Variants in UNC5B observed in about 807,000 individuals in gnomAD.
The protein encoded by UNC5B is unc-5 netrin receptor B, also known as netrin receptor UNC5B.
In UNC5B, 56 loss-of-function variants were observed where a neutral mutation model predicts 103.7. That is an observed-to-expected ratio of 0.54 (90% CI 0.44 to 0.67). The LOEUF is 0.67. UNC5B is among the 30% of genes least tolerant of loss of function. The pLI, the probability that UNC5B is intolerant of heterozygous loss-of-function variation, is 0.00. For missense variants in UNC5B, 1,194 were observed against 1,284.5 expected, an observed-to-expected ratio of 0.93 and a Z score of 1.08; for synonymous variants, 577 against 542.0, an observed-to-expected ratio of 1.06 and a Z score of -0.90.
chr10:71,275,021 C>T (rs758947976), intron 1 of UNC5B, among the ~76,000 whole-genome samples: 12 of 152,174 alleles, frequency 7.9e-5, no homozygotes, highest in Non-Finnish European at 1.8e-4. Flanking sequence ...ACAGAAACTC[C>T]AGGGCCTGGG....
At chr10:71,232,327 G>A (rs533660248) in intron 1 of UNC5B, among the ~76,000 whole-genome samples, 1 of 152,240 alleles carries the variant, frequency 6.6e-6, no homozygotes, top group Non-Finnish European at 1.5e-5. Context: ...ACACCACCGC[G>A]TATGTGTTAT....
intron 1 of UNC5B, among the ~76,000 whole-genome samples, chr10:71,231,524 C>G (rs550178758): frequency 6.6e-6 from 1 of 152,266 alleles, no homozygotes; most frequent in South Asian, 2.1e-4. Flanking sequence ...AGCCTGGGAG[C>G]GCAGGGCTGT....
chr10:71,280,491 T>C (rs1844896423), intron 2 of UNC5B, among the ~76,000 whole-genome samples: 1 of 152,224 alleles, frequency 6.6e-6, no homozygotes, highest in Non-Finnish European at 1.5e-5. Context: ...ATTTCCTGTG[T>C]TGAAATAAAT....
chr10:71,302,071 G>A lies in UNC5B; in HGVS notation c.*2794G>A, dbSNP rs1286080148. The A allele has an allele frequency of 1.3e-5, 2 of 152,102 alleles. No individual in the cohort carries two copies. The highest frequency in any genetic ancestry group is 4.8e-5 in the African/African-American group (2 of 41,440). The allele number at this position is 152,102 out of a possible 1,614,324, so 9.4% of individuals were successfully genotyped here. ...AGGGTTCAAACCATCAGCTCTATGA[G>A]AAATGCCCAGAAAGGCTTTGCCGAC... On this transcript the variant is annotated 3_prime_UTR_variant, in exon 17 of 17. Transcript: ENST00000335350.
At chr10:71,242,398 T>G (rs959976202) in intron 1 of UNC5B, among the ~76,000 whole-genome samples, 1 of 152,232 alleles carries the variant, frequency 6.6e-6, no homozygotes, top group African/African-American at 2.4e-5. Context: ...GAAAGACTGC[T>G]GAGGGAGAGG....
At chr10:71,238,431 T>C (rs1282838058) in intron 1 of UNC5B, among the ~76,000 whole-genome samples, 1 of 152,180 alleles carries the variant, frequency 6.6e-6, no homozygotes, top group Non-Finnish European at 1.5e-5. Flanking sequence ...GGTTTCTGAT[T>C]AGCGATAGGC....
intron 1 of UNC5B, among the ~76,000 whole-genome samples, chr10:71,247,107 G>A (rs952446265): frequency 3.3e-5 from 5 of 152,216 alleles, no homozygotes; most frequent in African/African-American, 1.2e-4. Context: ...GTTGTTCACT[G>A]GGGCCGTGTG....
intron 1 of UNC5B, among the ~76,000 whole-genome samples, chr10:71,259,116 G>A (rs1301726828): frequency 6.6e-6 from 1 of 152,224 alleles, no homozygotes; most frequent in Non-Finnish European, 1.5e-5. Context: ...TGGGCCGGGT[G>A]CAGTGGCTCA....
At chr10:71,287,857 G>A in intron 6 of UNC5B, 92 bp downstream of exon 6, 2 of 1,486,384 alleles carry the variant, frequency 1.3e-6, no homozygotes, top group Non-Finnish European at 1.8e-6. Context: ...TCTCTCCCCA[G>A]CATGGGGAGC....
At chr10:71,229,165 T>C (rs559170740) in intron 1 of UNC5B, among the ~76,000 whole-genome samples, 1 of 152,354 alleles carries the variant, frequency 6.6e-6, no homozygotes, top group Non-Finnish European at 1.5e-5. Context: ...TGGACGGAAC[T>C]GGCACTTTCC....
chr10:71,261,458 G>C (rs900290198), intron 1 of UNC5B, among the ~76,000 whole-genome samples: 1 of 152,170 alleles, frequency 6.6e-6, no homozygotes, highest in African/African-American at 2.4e-5. Context: ...CAAAGCCCAG[G>C]CTGGCATGCA....
intron 1 of UNC5B, among the ~76,000 whole-genome samples, chr10:71,225,214 G>T (rs1357612196): frequency 6.6e-6 from 1 of 152,056 alleles, no homozygotes; most frequent in Non-Finnish European, 1.5e-5. Flanking sequence ...TGCCAGGTAG[G>T]GCCAAGTGAG....
At chr10:71,294,476 T>C (rs1845356389) in intron 13 of UNC5B, among the ~76,000 whole-genome samples, 1 of 151,940 alleles carries the variant, frequency 6.6e-6, no homozygotes, top group Non-Finnish European at 1.5e-5. Flanking sequence ...TCACAGGTGC[T>C]CTTTAGAAAG....
chr10:71,262,360 G>C (rs990094092), intron 1 of UNC5B, among the ~76,000 whole-genome samples: 2 of 151,350 alleles, frequency 1.3e-5, no homozygotes, highest in African/African-American at 2.4e-5. Flanking sequence ...TAGGCAGAGA[G>C]AGACTCTGAG....
At chr10:71,266,066 C>T (rs561241640) in intron 1 of UNC5B, among the ~76,000 whole-genome samples, 3 of 152,266 alleles carry the variant, frequency 2.0e-5, no homozygotes, top group African/African-American at 7.2e-5. Context: ...GGCCGTGCTT[C>T]TATCCTTTCT....
chr10:71,288,523 A>G (rs777908941), intron 6 of UNC5B, 45 bp from the exon 7 acceptor site: 2 of 1,591,984 alleles, frequency 1.3e-6, no homozygotes, highest in Non-Finnish European at 1.7e-6. Flanking sequence ...CTATGTGTGC[A>G]CATGTCTCTG....
At chr10:71,227,496 A>G (rs1032161569) in intron 1 of UNC5B, among the ~76,000 whole-genome samples, 1 of 151,870 alleles carries the variant, frequency 6.6e-6, no homozygotes, top group African/African-American at 2.4e-5. Flanking sequence ...GTTCATCAAA[A>G]TCTCAGAAAT....
At chr10:71,277,852 G>A (rs1844808955) in intron 1 of UNC5B, among the ~76,000 whole-genome samples, 1 of 152,194 alleles carries the variant, frequency 6.6e-6, no homozygotes, top group African/African-American at 2.4e-5. Flanking sequence ...TTTGAAATGA[G>A]GACATTTCCA....
intron 1 of UNC5B, among the ~76,000 whole-genome samples, chr10:71,230,022 A>T (rs1843652031): frequency 1.3e-5 from 2 of 150,376 alleles, no homozygotes; most frequent in South Asian, 4.2e-4. Context: ...GGCTGGGCAA[A>T]CTGAGACAGA....
Sources: allele counts gnomAD v4.1 joint callset (sites outside exome capture counted in the v4.1 genomes callset), GRCh38; gene constraint gnomAD v4.1.1; transcripts MANE v1.5; gene names NCBI Gene and HGNC (gene_info 2026-07-23, HGNC 2026-07-21).